SRGAP2: variants seen among roughly 807,000 people sequenced by gnomAD.
SRGAP2 encodes the protein SLIT-ROBO Rho GTPase-activating protein 2.
SRGAP2 carries 15 observed loss-of-function variants against 57.2 expected under a neutral mutation model. That is an observed-to-expected ratio of 0.26 (90% CI 0.18 to 0.40). The LOEUF is 0.40. Ranked by LOEUF, SRGAP2 falls within the 10% of genes least tolerant of loss-of-function variation. The pLI is 1.00. For synonymous variants in SRGAP2, 249 were observed against 248.0 expected (o/e 1.00, Z -0.04); for missense variants, 520 against 669.6 (o/e 0.78, Z 2.47).
intron 14 of SRGAP2, among the ~76,000 whole-genome samples, chr1:206,434,060 A>G (rs1350311219): frequency 6.6e-6 from 1 of 152,234 alleles, no homozygotes; most frequent in Non-Finnish European, 1.5e-5. Context: ...ATTTTTGTGT[A>G]TAGGCATCTA....
intron 18 of SRGAP2, among the ~76,000 whole-genome samples, chr1:206,448,285 G>A (rs1281705598): frequency 6.6e-6 from 1 of 152,186 alleles, no homozygotes; most frequent in African/African-American, 2.4e-5. Context: ...CAGCTGTGGA[G>A]AGGAGAGACA....
intron 3 of SRGAP2, among the ~76,000 whole-genome samples, chr1:206,322,370 A>G (rs1486414743): frequency 1.4e-5 from 2 of 147,858 alleles, no homozygotes; most frequent in African/African-American, 5.0e-5. Context: ...TCAGGAGATC[A>G]AGACCATCCT....
rs1553377335 is a variant in SRGAP2 at position 206,454,114 on chromosome 1, T to C, written c.2360+734T>C. ...TTGGATACGATGCTGTCAGTGTTTTTAGTCCTTCCCTTAATATTATTTTTT... is the reference window on the plus strand; with the variant it reads ...TTGGATACGATGCTGTCAGTGTTTTCAGTCCTTCCCTTAATATTATTTTTT... On this transcript the variant is annotated intron_variant, in intron 20 of 22. Coordinates refer to ENST00000573034, the MANE Select transcript of SRGAP2 (RefSeq NM_015326.5). The surrounding 1 kb of genome is among the most constrained non-coding windows in gnomAD (Gnocchi z 4.3). 1.7e-5 allele frequency: 12 copies of C among 702,434 alleles called. No individual in the cohort carries two copies. The Admixed American group carries it at 2.2e-4, about 13-fold the overall frequency. The allele number at this position is 702,434 out of a possible 1,614,324, so 43.5% of individuals were successfully genotyped here.
At chr1:206,438,132 G>C (rs782044123) in intron 16 of SRGAP2, 34 bp downstream of exon 16, 1 of 779,092 alleles carries the variant, frequency 1.3e-6, no homozygotes, top group East Asian at 2.4e-5. Flanking sequence ...TTGGCTTCTG[G>C]GCTACAGCAC....
intron 22 of SRGAP2, among the ~76,000 whole-genome samples, chr1:206,459,343 G>A (rs1664080313): frequency 6.6e-6 from 1 of 151,472 alleles, no homozygotes. Flanking sequence ...ATATTGCTGT[G>A]CCCATCACCA....
At chr1:206,285,459 T>G (rs1670966086) in intron 2 of SRGAP2, among the ~76,000 whole-genome samples, 1 of 152,046 alleles carries the variant, frequency 6.6e-6, no homozygotes, top group Admixed American at 6.5e-5. Context: ...TTGTGCCACT[T>G]GCTGACATTG....
intron 13 of SRGAP2, among the ~76,000 whole-genome samples, chr1:206,426,606 G>A (rs1553366408): frequency 6.6e-6 from 1 of 152,204 alleles, no homozygotes; most frequent in Non-Finnish European, 1.5e-5. Context: ...CAGTGTACAA[G>A]CATTCCCCTT....
At chr1:206,428,074 C>T (rs989627429) in intron 13 of SRGAP2, among the ~76,000 whole-genome samples, 2 of 152,106 alleles carry the variant, frequency 1.3e-5, no homozygotes, top group Admixed American at 6.6e-5. Context: ...TGCACTCCAG[C>T]CTAGGCTACA....
At chr1:206,437,893 C>G in intron 15 of SRGAP2, 71 bp from the exon 16 acceptor site, 1 of 766,136 alleles carries the variant, frequency 1.3e-6, no homozygotes, top group Non-Finnish European at 2.4e-6. Flanking sequence ...TTCACCCCTT[C>G]CCCACGTTCG....
intron 2 of SRGAP2, among the ~76,000 whole-genome samples, chr1:206,285,419 C>T (rs1237378371): frequency 2.0e-5 from 3 of 152,076 alleles, no homozygotes; most frequent in Admixed American, 6.5e-5. Context: ...TCCACCTTCC[C>T]CATGGCTGCC....
chr1:206,413,017 A>T (rs1184967549), intron 10 of SRGAP2, among the ~76,000 whole-genome samples: 1 of 152,232 alleles, frequency 6.6e-6, no homozygotes, highest in Non-Finnish European at 1.5e-5. Flanking sequence ...AATCCATCAT[A>T]CATCTTTACC....
At chr1:206,426,690 T>C in intron 13 of SRGAP2, among the ~76,000 whole-genome samples, 1 of 152,228 alleles carries the variant, frequency 6.6e-6, no homozygotes, top group Admixed American at 6.5e-5. Context: ...GTGAGATTAT[T>C]TAAAAATTTG....
intron 2 of SRGAP2, among the ~76,000 whole-genome samples, chr1:206,255,833 A>G (rs1354963459): frequency 6.6e-6 from 1 of 152,040 alleles, no homozygotes; most frequent in Non-Finnish European, 1.5e-5. Context: ...TTGCTCCCCC[A>G]TCCTCTACTT....
intron 12 of SRGAP2, among the ~76,000 whole-genome samples, chr1:206,420,182 A>G (rs1553363857): frequency 1.3e-5 from 2 of 152,236 alleles, no homozygotes; most frequent in African/African-American, 4.8e-5. Flanking sequence ...TATATCTGCC[A>G]AAACACATAA....
intron 3 of SRGAP2, among the ~76,000 whole-genome samples, chr1:206,337,960 C>T (rs1446753150): frequency 1.3e-5 from 2 of 152,066 alleles, no homozygotes; most frequent in Non-Finnish European, 2.9e-5. Flanking sequence ...CATAAATAGT[C>T]CAAGGTGAGG....
chr1:206,323,231 G>C (rs1211226351), intron 3 of SRGAP2, among the ~76,000 whole-genome samples: 3 of 151,544 alleles, frequency 2.0e-5, no homozygotes, highest in Non-Finnish European at 4.4e-5. Context: ...TTATTTATTT[G>C]TTTGTATTTA....
At position 206,289,272 on chromosome 1, in the gene SRGAP2, G is replaced by A. The variant is rs1230314573; in HGVS notation, c.68-14009G>A. Among the ~76,000 whole-genome samples the A allele has an allele frequency of 1.4e-4, 16 of 116,548 alleles. No homozygotes were observed. In the East Asian group the frequency reaches 3.6e-3, roughly 26 times the overall value. The allele number at this position is 116,548 out of a possible 152,430, so 76.5% of individuals were successfully genotyped here. On this transcript the variant is annotated intron_variant, in intron 2 of 22. Coordinates refer to ENST00000573034, the MANE Select transcript of SRGAP2 (RefSeq NM_015326.5). ...ATTTCAATATTTAAGAGATAAGGAGGTTTTTTTTTTTTTTTTTTGAGACGG... is the reference window on the plus strand; with the variant it reads ...ATTTCAATATTTAAGAGATAAGGAGATTTTTTTTTTTTTTTTTTGAGACGG...
chr1:206,438,137 C>A, intron 16 of SRGAP2, 39 bp downstream of exon 16: 1 of 777,996 alleles, frequency 1.3e-6, no homozygotes, highest in Non-Finnish European at 2.4e-6. Flanking sequence ...TTCTGGGCTA[C>A]AGCACCGGTA....
At chr1:206,241,911 CGTGTGTGTGTGTGTGTGTGT>C (rs781785493) in intron 2 of SRGAP2, among the ~76,000 whole-genome samples, 5 of 104,564 alleles carry the variant, frequency 4.8e-5, no homozygotes, top group African/African-American at 2.2e-4. Flanking sequence ...GAGGTGTTTG[CGTGTGTGTGTGTGTGTGTGT>C]GTGTGTGTGT....
Sources: allele counts gnomAD v4.1 joint callset (sites outside exome capture counted in the v4.1 genomes callset), GRCh38; gene constraint gnomAD v4.1.1; non-coding constraint Gnocchi (gnomAD v3.1); transcripts MANE v1.5; gene names NCBI Gene and HGNC (gene_info 2026-07-23, HGNC 2026-07-21).